CACNG3: variants seen among roughly 807,000 people sequenced by gnomAD.
CACNG3 encodes calcium voltage-gated channel auxiliary subunit gamma 3, also known as voltage-dependent calcium channel gamma-3 subunit.
In CACNG3, 3 loss-of-function variants were observed where a neutral mutation model predicts 28.5. The ratio of observed to expected loss-of-function variants is 0.11; its 90% CI spans 0.05 to 0.27. CACNG3 has a LOEUF of 0.27. Ranked by LOEUF, CACNG3 falls within the 10% of genes least tolerant of loss-of-function variation. The probability of loss-of-function intolerance (pLI) is 1.00; values close to 1 mark genes in which losing one functional copy is unlikely to be tolerated. For missense variants in CACNG3, 236 were observed against 414.4 expected, an observed-to-expected ratio of 0.57 and a Z score of 3.74; for synonymous variants, 174 against 162.2, an observed-to-expected ratio of 1.07 and a Z score of -0.55.
chr16:24,302,907 G>A (rs1476910381), intron 1 of CACNG3, among the ~76,000 whole-genome samples: 11 of 151,982 alleles, frequency 7.2e-5, no homozygotes, highest in Admixed American at 2.6e-4. Flanking sequence ...TGATTTACCC[G>A]CCTCGGCCTC....
chr16:24,292,213 C>T (rs1898976660), intron 1 of CACNG3, among the ~76,000 whole-genome samples: 1 of 152,172 alleles, frequency 6.6e-6, no homozygotes, highest in Non-Finnish European at 1.5e-5. Context: ...TGCCAAACAG[C>T]TCGATTTTTC....
At chr16:24,355,816 T>C (rs1432578288) in intron 3 of CACNG3, among the ~76,000 whole-genome samples, 1 of 152,096 alleles carries the variant, frequency 6.6e-6, no homozygotes, top group Non-Finnish European at 1.5e-5. Flanking sequence ...ATCCAGCTTT[T>C]GAAGTGCTCA....
intron 3 of CACNG3, among the ~76,000 whole-genome samples, chr16:24,355,876 G>C (rs776236476): frequency 7.2e-5 from 11 of 152,164 alleles, no homozygotes; most frequent in Non-Finnish European, 1.3e-4. Flanking sequence ...AAGACCAGCA[G>C]CCCGAGATGC....
At chr16:24,344,908 C>G (rs1021263137) in intron 1 of CACNG3, among the ~76,000 whole-genome samples, 2 of 152,156 alleles carry the variant, frequency 1.3e-5, no homozygotes, top group African/African-American at 4.8e-5. Flanking sequence ...CCTTTGAAAC[C>G]TGGATCCAAA....
chr16:24,274,208 A>C (rs976500253), intron 1 of CACNG3, among the ~76,000 whole-genome samples: 1 of 151,090 alleles, frequency 6.6e-6, no homozygotes, highest in Non-Finnish European at 1.5e-5. Flanking sequence ...AAACAAAAAA[A>C]AAAAACTCAA....
Position 24,354,501 on chromosome 16 carries a change from G to A in CACNG3, c.296-332G>A, listed in dbSNP as rs138390447. Among the ~76,000 whole-genome samples the A allele has an allele frequency of 5.3e-5, 8 of 152,276 alleles. No homozygotes were observed. In the East Asian group the frequency reaches 1.6e-3, roughly 30 times the overall value. Reference sequence around the variant, plus strand: ...GGGAGGTGGGAAGGTGTTGGTGATAGGTGAGGAGGTAGAGAGTGGAGTTCC... The same window carrying A: ...GGGAGGTGGGAAGGTGTTGGTGATAAGTGAGGAGGTAGAGAGTGGAGTTCC... On this transcript the variant is annotated intron_variant, in intron 2 of 3. Coordinates refer to ENST00000005284, the MANE Select transcript of CACNG3 (RefSeq NM_006539.4).
intron 1 of CACNG3, among the ~76,000 whole-genome samples, chr16:24,300,318 G>C (rs1025424930): frequency 6.6e-6 from 1 of 152,064 alleles, no homozygotes; most frequent in Non-Finnish European, 1.5e-5. Context: ...GCCCCGATAA[G>C]GTGTCTACAG....
In CACNG3 at chr16:24,317,648, AAAAGAAAGAAAGAAAG is replaced by A. The variant is rs1158587996; in HGVS notation, c.212-29034_212-29019del. Among the ~76,000 whole-genome samples, 87 of 55,726 alleles carry A rather than the reference AAAAGAAAGAAAGAAAG, an allele frequency of 1.6e-3. 2 individuals are homozygous for A. Among genetic ancestry groups the A allele is most frequent in the African/African-American group, 3.0e-3 (35 of 11,832 alleles). The allele number at this position is 55,726 out of a possible 152,430, so 36.6% of individuals were successfully genotyped here. A position where few individuals can be genotyped will look rare whatever the true frequency, so the allele number is the denominator to read the frequency against. ...AAAGACAGACAGAAAGAAAGAAAAG[AAAAGAAAGAAAGAAAG>A]AAAGAAAGAAAGAAAGAAAGAAAGA... On this transcript the variant is annotated intron_variant, in intron 1 of 3. Coordinates refer to ENST00000005284, the MANE Select transcript of CACNG3 (RefSeq NM_006539.4).
At chr16:24,349,281 G>A (rs1596651619) in intron 2 of CACNG3, among the ~76,000 whole-genome samples, 1 of 152,162 alleles carries the variant, frequency 6.6e-6, no homozygotes, top group Admixed American at 6.5e-5. Flanking sequence ...CAGTGTTACC[G>A]GAAAGGGGTC....
chr16:24,261,361 T>G (rs1271724056), intron 1 of CACNG3, among the ~76,000 whole-genome samples: 1 of 152,206 alleles, frequency 6.6e-6, no homozygotes, highest in Admixed American at 6.5e-5. Context: ...GACTACTACT[T>G]GGCTTGATTT....
Position 24,362,090 on chromosome 16 carries a change from G to GTA in CACNG3, c.*229_*230dup. 2.1e-6 allele frequency: 1 copy of GTA among 467,174 alleles called. No individual in the cohort carries two copies. The highest frequency in any genetic ancestry group is 5.1e-5 in the South Asian group (1 of 19,468). The allele number at this position is 467,174 out of a possible 1,614,324, so 28.9% of individuals were successfully genotyped here. A position where few individuals can be genotyped will look rare whatever the true frequency, so the allele number is the denominator to read the frequency against. ...CCCTTAATGTCATTCCTCTCTCTGTGTATCTGTGCCAGATGTTTTCCTTTC... is the reference window on the plus strand; with the variant it reads ...CCCTTAATGTCATTCCTCTCTCTGTGTATATCTGTGCCAGATGTTTTCCTTTC... On this transcript the variant is annotated 3_prime_UTR_variant, in exon 4 of 4. Transcript: ENST00000005284.
chr16:24,313,453 C>A (rs1899303065), intron 1 of CACNG3, among the ~76,000 whole-genome samples: 1 of 152,104 alleles, frequency 6.6e-6, no homozygotes. Context: ...CCTTTCGGCA[C>A]TTTTATGTTT....
chr16:24,342,860 C>T (rs1030825783), intron 1 of CACNG3, among the ~76,000 whole-genome samples: 53 of 151,860 alleles, frequency 3.5e-4, no homozygotes, highest in African/African-American at 1.3e-3. Context: ...GCTGTACAAA[C>T]GTGGGTAGTA....
intron 1 of CACNG3, among the ~76,000 whole-genome samples, chr16:24,273,685 C>T (rs927468714): frequency 1.3e-5 from 2 of 152,178 alleles, no homozygotes; most frequent in African/African-American, 4.8e-5. Context: ...TTTGTGGTTT[C>T]AATGTCACAA....
At chr16:24,349,677 G>A (rs1380535737) in intron 2 of CACNG3, among the ~76,000 whole-genome samples, 1 of 152,142 alleles carries the variant, frequency 6.6e-6, no homozygotes, top group African/African-American at 2.4e-5. Flanking sequence ...GACGACCAGA[G>A]GTCACTTTCA....
intron 1 of CACNG3, among the ~76,000 whole-genome samples, chr16:24,270,917 T>C (rs1269397939): frequency 1.3e-5 from 2 of 152,088 alleles, no homozygotes; most frequent in Non-Finnish European, 2.9e-5. Context: ...TCCAGGCAGA[T>C]GGATCAGCAA....
intron 1 of CACNG3, among the ~76,000 whole-genome samples, chr16:24,275,542 T>C (rs1596623761): frequency 6.6e-6 from 1 of 152,238 alleles, no homozygotes; most frequent in East Asian, 1.9e-4. Context: ...CGAGCTGAAC[T>C]AGCTGCTTTT....
rs537612202 is a variant in CACNG3, at chr16:24,268,995, C to T, written c.211+12030C>T. Among the ~76,000 whole-genome samples the T allele has an allele frequency of 4.6e-5, 7 of 152,132 alleles. No homozygotes were observed. The South Asian group carries it at 6.2e-4, about 13-fold the overall frequency. On this transcript the variant is annotated intron_variant, in intron 1 of 3. Transcript: ENST00000005284. ...CATGCAGCACTCAGATGGCCAAAAA[C>T]GTCTTTGAAAGGCACCAGACTTGGA...
At chr16:24,299,936 A>ATG (rs1555459652) in intron 1 of CACNG3, among the ~76,000 whole-genome samples, 2 of 149,220 alleles carry the variant, frequency 1.3e-5, no homozygotes, top group East Asian at 2.0e-4. Flanking sequence ...ACACATGCAC[A>ATG]CGCACACACA....
Sources: allele counts gnomAD v4.1 joint callset (sites outside exome capture counted in the v4.1 genomes callset), GRCh38; gene constraint gnomAD v4.1.1; transcripts MANE v1.5; gene names NCBI Gene and HGNC (gene_info 2026-07-23, HGNC 2026-07-21).